The following PCDHGA3 variants were observed in gnomAD, a reference collection of about 807,000 sequenced individuals.
PCDHGA3 encodes the protein protocadherin gamma subfamily A, 3.
A neutral mutation model predicts 58.5 loss-of-function variants in PCDHGA3; 40 were observed. The observed-to-expected ratio is 0.68, with a 90% CI of 0.53 to 0.89. The LOEUF is 0.89. Ranked by LOEUF, PCDHGA3 falls within the 40% of genes least tolerant of loss-of-function variation. The pLI is 0.00. For missense variants in PCDHGA3, 1,223 were observed against 1,195.9 expected, an observed-to-expected ratio of 1.02 and a Z score of -0.33; for synonymous variants, 530 against 525.7, an observed-to-expected ratio of 1.01 and a Z score of -0.11.
intron 1 of PCDHGA3, among the ~76,000 whole-genome samples, chr5:141,347,727 C>T (rs1232753863): frequency 6.7e-6 from 1 of 149,396 alleles, no homozygotes; most frequent in Non-Finnish European, 1.5e-5. Flanking sequence ...GCAGAAGTTG[C>T]AGAGAGCCAA....
At chr5:141,355,631 A>G in intron 1 of PCDHGA3, 1 of 1,614,036 alleles carries the variant, frequency 6.2e-7, no homozygotes, top group South Asian at 1.1e-5. Context: ...AAAGTTGCTG[A>G]AAATGAAAAT....
intron 1 of PCDHGA3, among the ~76,000 whole-genome samples, chr5:141,460,763 T>A (rs904048213): frequency 4.6e-5 from 7 of 152,170 alleles, no homozygotes; most frequent in Admixed American, 1.3e-4. Context: ...ATATACATAT[T>A]GCATATGTAT....
chr5:141,346,208 G>T lies in PCDHGA3; in HGVS notation c.2175G>T (p.Leu725=), dbSNP rs756507619. The change falls in exon 1 of 4, where the codon CTG becomes CTT. Residue 725 remains leucine (L), a synonymous_variant. Coordinates refer to ENST00000253812, the MANE Select transcript of PCDHGA3 (RefSeq NM_018916.4). ...RLRRWHKSRL[L]QASGGGLAST... ...GGCGCTGGCACAAGTCACGCCTGCT[G>T]CAGGCTTCGGGAGGCGGCTTGGCGA... 1 of 1,614,166 alleles carries T rather than the reference G, an allele frequency of 6.2e-7. No individual in the cohort carries two copies. Among genetic ancestry groups the T allele is most frequent in the South Asian group, 1.1e-5 (1 of 91,078 alleles).
intron 1 of PCDHGA3, chr5:141,423,851 C>T (rs1311833319): frequency 7.8e-6 from 10 of 1,275,940 alleles, no homozygotes; most frequent in African/African-American, 1.6e-5. Flanking sequence ...TCTTTCAGAA[C>T]GTTTTTGTGA....
In PCDHGA3 at chr5:141,492,378, C is replaced by T. The variant is rs144479033; in HGVS notation, c.2425-2429C>T. Among the ~76,000 whole-genome samples the T allele has an allele frequency of 1.7e-3, 262 of 152,360 alleles. 2 individuals are homozygous for T. The highest frequency in any genetic ancestry group is 3.0e-3 in the Non-Finnish European group (207 of 68,026). On this transcript the variant is annotated intron_variant, in intron 1 of 3. Coordinates refer to ENST00000253812, the MANE Select transcript of PCDHGA3 (RefSeq NM_018916.4). ...CTCGCTCGCGGCCAGATTCACAGGCCTGTTCCGGTCCACTCGCAGCTCCCC... is the reference window on the plus strand; with the variant it reads ...CTCGCTCGCGGCCAGATTCACAGGCTTGTTCCGGTCCACTCGCAGCTCCCC...
rs377624497 is a variant in PCDHGA3, at chr5:141,345,246, G to T, written c.1213G>T (p.Val405Leu). The T allele has an allele frequency of 1.2e-6, 2 of 1,613,970 alleles. No homozygotes were observed. The highest frequency in any genetic ancestry group is 2.7e-5 in the African/African-American group (2 of 75,024). The change falls in exon 1 of 4, where the codon GTG (valine) becomes TTG (leucine). Residue 405 changes from valine to leucine, a missense_variant. Transcript: ENST00000253812. ...EKSIDQYYRL[V>L]TATSLDREQI... ...ATCAATAGATCAATATTACCGCTTA[G>T]TGACGGCCACATCCCTGGACCGCGA...
chr5:141,364,793 C>T, intron 1 of PCDHGA3: 1 of 1,614,028 alleles, frequency 6.2e-7, no homozygotes. Context: ...GTTAGTGCTT[C>T]CCTTCGCGCG....
intron 1 of PCDHGA3, chr5:141,389,498 A>C: frequency 6.2e-7 from 1 of 1,613,046 alleles, no homozygotes; most frequent in African/African-American, 1.3e-5. Context: ...AGGGCTCGCC[A>C]GCGCTCAGCG....
intron 1 of PCDHGA3, chr5:141,395,466 TC>T (rs951026760): frequency 3.5e-6 from 2 of 577,354 alleles, no homozygotes; most frequent in Non-Finnish European, 5.8e-6. Context: ...TTTTAAGCCT[TC>T]CAGTATTTTA....
At chr5:141,456,214 G>C (rs552287407) in intron 1 of PCDHGA3, among the ~76,000 whole-genome samples, 8 of 152,136 alleles carry the variant, frequency 5.3e-5, no homozygotes, top group Non-Finnish European at 7.4e-5. Context: ...CCTCCCTGTG[G>C]CGATATCAAA....
At chr5:141,371,146 T>C (rs751386839) in intron 1 of PCDHGA3, 4 of 1,614,022 alleles carry the variant, frequency 2.5e-6, no homozygotes, top group East Asian at 4.5e-5. Flanking sequence ...AGGGTCAATG[T>C]TGCAGAGAAC....
chr5:141,490,346 TG>T lies in PCDHGA3; in HGVS notation c.2425-4457del, dbSNP rs1458588422. ...GAGAGCACACCAGTGGGCACAGTAG[TG>T]GGGTTGTTTAATGTGCGAGACCGGG... On this transcript the variant is annotated intron_variant, in intron 1 of 3. Coordinates refer to ENST00000253812, the MANE Select transcript of PCDHGA3 (RefSeq NM_018916.4). The surrounding 1 kb of genome is among the most constrained non-coding windows in gnomAD (Gnocchi z 5.4). 1.2e-6 allele frequency: 2 copies of T among 1,614,164 alleles called. No individual in the cohort carries two copies. The highest frequency in any genetic ancestry group is 3.3e-5 in the Admixed American group (2 of 60,032).
intron 1 of PCDHGA3, chr5:141,418,113 T>C (rs1320881856): frequency 3.1e-6 from 5 of 1,613,912 alleles, no homozygotes; most frequent in Non-Finnish European, 3.4e-6. Context: ...GGGGACTTAC[T>C]TGTGAAGGAC....
chr5:141,453,540 A>G (rs890130466), intron 1 of PCDHGA3, among the ~76,000 whole-genome samples: 2 of 152,058 alleles, frequency 1.3e-5, no homozygotes, highest in Non-Finnish European at 2.9e-5. Context: ...CCTCATTCAC[A>G]CCACACTCTG....
chr5:141,388,433 A>G, intron 1 of PCDHGA3: 1 of 1,613,878 alleles, frequency 6.2e-7, no homozygotes, highest in Non-Finnish European at 8.5e-7. Flanking sequence ...TGATAAATAA[A>G]GAGAAATCAG....
intron 1 of PCDHGA3, chr5:141,399,794 C>T (rs2093888579): frequency 1.9e-6 from 3 of 1,613,268 alleles, no homozygotes; most frequent in Middle Eastern, 1.7e-4. Flanking sequence ...GACAACGCAC[C>T]GCGGGTGCTG....
intron 1 of PCDHGA3, chr5:141,475,956 G>T (rs2099382674): frequency 2.5e-6 from 2 of 805,186 alleles, no homozygotes; most frequent in South Asian, 1.9e-5. Flanking sequence ...TCTGCGCCCC[G>T]GGATGAGGCA....
rs954948864 is a variant in PCDHGA3, at chr5:141,382,821, C to T, written c.2424+36364C>T. On this transcript the variant is annotated intron_variant, in intron 1 of 3. Transcript: ENST00000253812. ...GGATTCTGAGCTCCCCTTCCTAAGACAGAGGGGTCCACCCGGATACACCCG... is the reference window on the plus strand; with the variant it reads ...GGATTCTGAGCTCCCCTTCCTAAGATAGAGGGGTCCACCCGGATACACCCG... 3.1e-6 allele frequency: 4 copies of T among 1,306,294 alleles called. No homozygotes were observed. In the African/African-American group the frequency reaches 5.9e-5, roughly 19 times the overall value. The allele number at this position is 1,306,294 out of a possible 1,614,324, so 80.9% of individuals were successfully genotyped here. A position where few individuals can be genotyped will look rare whatever the true frequency, so the allele number is the denominator to read the frequency against.
At position 141,431,056 on chromosome 5, in the gene PCDHGA3, C is replaced by T; in HGVS notation, c.2425-63751C>T. ...ACCGGGAGGAGCTCTGTATGGGGGC[C>T]ATCAAGTGTCAATTAAATCTAGACA... On this transcript the variant is annotated intron_variant, in intron 1 of 3. Transcript: ENST00000253812. The surrounding 1 kb of genome is among the most constrained non-coding windows in gnomAD (Gnocchi z 4.8). 1 of 1,614,126 alleles carries T rather than the reference C, an allele frequency of 6.2e-7. No homozygotes were observed. The highest frequency in any genetic ancestry group is 8.5e-7 in the Non-Finnish European group (1 of 1,180,000).
Sources: gnomAD v4.1 joint callset for allele counts (sites outside exome capture counted in the v4.1 genomes callset) on GRCh38, gnomAD v4.1.1 for gene constraint, Gnocchi (gnomAD v3.1) non-coding constraint, MANE v1.5 for transcripts, NCBI Gene and HGNC (gene_info 2026-07-23, HGNC 2026-07-21) for gene names.